The following ZNF385D variants were observed in gnomAD, a reference collection of about 807,000 sequenced individuals.
ZNF385D encodes zinc finger protein 659.
A neutral mutation model predicts 35.8 loss-of-function variants in ZNF385D; 15 were observed. That is an observed-to-expected ratio of 0.42 (90% CI 0.28 to 0.64). The LOEUF (loss-of-function observed/expected upper bound fraction) is 0.64, where lower values mean the gene tolerates loss of function less well. ZNF385D is among the 30% of genes least tolerant of loss of function. The pLI, the probability that ZNF385D is intolerant of heterozygous loss-of-function variation, is 0.23. For missense variants in ZNF385D, 474 were observed against 494.6 expected (o/e 0.96, Z 0.39); for synonymous variants, 212 against 186.8 (o/e 1.13, Z -1.10).
intron 3 of ZNF385D, among the ~76,000 whole-genome samples, chr3:21,994,134 C>A (rs1489637887): frequency 6.6e-6 from 1 of 152,164 alleles, no homozygotes; most frequent in Non-Finnish European, 1.5e-5. Flanking sequence ...TTCCTTGCTG[C>A]AGCAAGCTAA....
intron 3 of ZNF385D, among the ~76,000 whole-genome samples, chr3:21,538,308 T>C (rs2062087740): frequency 6.6e-6 from 1 of 152,120 alleles, no homozygotes; most frequent in Admixed American, 6.5e-5. Context: ...AAGTCTGTAT[T>C]GATAACTTAC....
chr3:22,330,606 A>T (rs1694888611), intron 2 of ZNF385D, among the ~76,000 whole-genome samples: 1 of 152,140 alleles, frequency 6.6e-6, no homozygotes, highest in African/African-American at 2.4e-5. Flanking sequence ...AAAATGCTTC[A>T]GTTTTTCTTT....
Position 22,012,182 on chromosome 3 carries a change from A to G in ZNF385D, c.325+156635T>C, listed in dbSNP as rs377015302. Among the ~76,000 whole-genome samples the G allele has an allele frequency of 1.8e-3, 273 of 152,274 alleles. 3 individuals carry two copies. In the South Asian group the frequency reaches 0.022, roughly 12 times the overall value. The stretch of plus-strand genomic sequence containing the variant: ...GGGCAAAGAAGTCCATTACTTCAAC[A>G]CCAGATTCTTGAGAGGATATATGAC... On this transcript the variant is annotated intron_variant, in intron 3 of 5. Coordinates refer to the ZNF385D transcript ENST00000494108.
Position 21,415,943 on chromosome 3 carries a change from G to C in ZNF385D, c.*5271C>G, listed in dbSNP as rs1226080527. On this transcript the variant is annotated 3_prime_UTR_variant, in exon 8 of 8. Transcript: ENST00000281523. ...AATTGAAGGTAATGTTCAGTCCCTTGACATCTGAACATTGATGACCCAACC... is the reference window on the plus strand; with the variant it reads ...AATTGAAGGTAATGTTCAGTCCCTTCACATCTGAACATTGATGACCCAACC... 1 of 151,864 alleles carries C rather than the reference G, an allele frequency of 6.6e-6. No individual in the cohort carries two copies. The highest frequency in any genetic ancestry group is 1.5e-5 in the Non-Finnish European group (1 of 68,006). 9.4% of individuals were successfully genotyped at this position (151,864 alleles called of 1,614,324 possible).
In ZNF385D at chr3:22,139,995, T is replaced by C. The variant is rs942887979; in HGVS notation, c.325+28822A>G. ...AGGATATAGAGAATCTCTCACATAT[T>C]GTTACTGGAAATATACAATGGTACA... is the stretch of plus-strand genomic sequence containing the variant. On this transcript the variant is annotated intron_variant, in intron 3 of 5. Transcript: ENST00000494108. Among the ~76,000 whole-genome samples, 8 of 152,322 alleles carry C rather than the reference T, an allele frequency of 5.3e-5. No individual in the cohort carries two copies. In the East Asian group the frequency reaches 1.2e-3, roughly 22 times the overall value.
At chr3:21,710,140 G>A (rs951239887) in intron 1 of ZNF385D, among the ~76,000 whole-genome samples, 1 of 152,118 alleles carries the variant, frequency 6.6e-6, no homozygotes, top group African/African-American at 2.4e-5. Flanking sequence ...GTTGGGTATG[G>A]GGGTATGGTT....
At chr3:22,162,638 C>A (rs966995387) in intron 3 of ZNF385D, among the ~76,000 whole-genome samples, 1 of 152,160 alleles carries the variant, frequency 6.6e-6, no homozygotes, top group Non-Finnish European at 1.5e-5. Flanking sequence ...CCTTGCACTA[C>A]GCAGTAGGCA....
At chr3:21,440,676 G>T (rs1180956876) in intron 4 of ZNF385D, among the ~76,000 whole-genome samples, 2 of 152,054 alleles carry the variant, frequency 1.3e-5, no homozygotes, top group African/African-American at 2.4e-5. Context: ...TTGATGCAGG[G>T]TATATGGGAA....
At chr3:21,563,506 T>C (rs2063028934) in intron 3 of ZNF385D, among the ~76,000 whole-genome samples, 3 of 152,186 alleles carry the variant, frequency 2.0e-5, no homozygotes, top group Admixed American at 2.0e-4. Flanking sequence ...AAATGTAATG[T>C]TCTCTTCAAA....
intron 3 of ZNF385D, chr3:21,877,994 G>C (rs143353222): frequency 1.3e-5 from 2 of 151,920 alleles, no homozygotes; most frequent in African/African-American, 4.8e-5. Context: ...TATATTAAGT[G>C]CTATTTGTAA....
rs531403498 is a variant in ZNF385D at position 22,104,341 on chromosome 3, C to T, written c.325+64476G>A. Among the ~76,000 whole-genome samples, 7 of 152,160 alleles carry T rather than the reference C, an allele frequency of 4.6e-5. No homozygotes were observed. The East Asian group carries it at 7.7e-4, about 17-fold the overall frequency. On this transcript the variant is annotated intron_variant, in intron 3 of 5. Coordinates refer to the ZNF385D transcript ENST00000494108. ...AAAGGCTCCTTGAAAAAAAGGATGACGTTTTATTACTCGTTCACTATAATC... is the reference window on the plus strand; with the variant it reads ...AAAGGCTCCTTGAAAAAAAGGATGATGTTTTATTACTCGTTCACTATAATC...
At chr3:21,925,179 G>T (rs1202965115) in intron 3 of ZNF385D, among the ~76,000 whole-genome samples, 1 of 152,060 alleles carries the variant, frequency 6.6e-6, no homozygotes, top group Non-Finnish European at 1.5e-5. Flanking sequence ...AGGCAAAGTA[G>T]GTAGAATAGC....
At chr3:22,314,176 T>G (rs1703753485) in intron 2 of ZNF385D, among the ~76,000 whole-genome samples, 1 of 152,110 alleles carries the variant, frequency 6.6e-6, no homozygotes, top group Admixed American at 6.6e-5. Context: ...GTTATATGAG[T>G]AAGTTCTTTG....
At chr3:22,105,434 T>C (rs1387409284) in intron 3 of ZNF385D, among the ~76,000 whole-genome samples, 1 of 151,970 alleles carries the variant, frequency 6.6e-6, no homozygotes, top group Non-Finnish European at 1.5e-5. Flanking sequence ...TATACATACA[T>C]ACTTATATAC....
chr3:21,685,108 C>G (rs1312820623), intron 1 of ZNF385D, among the ~76,000 whole-genome samples: 2 of 152,158 alleles, frequency 1.3e-5, no homozygotes, highest in Admixed American at 1.3e-4. Flanking sequence ...GAAAAAAATA[C>G]TGCAAAATCC....
intron 3 of ZNF385D, among the ~76,000 whole-genome samples, chr3:21,860,618 T>C (rs1376476070): frequency 1.3e-5 from 2 of 152,172 alleles, no homozygotes; most frequent in Non-Finnish European, 2.9e-5. Flanking sequence ...GCATCCTGAC[T>C]GCATTAGACT....
intron 2 of ZNF385D, among the ~76,000 whole-genome samples, chr3:22,266,609 T>C (rs1272154593): frequency 6.6e-6 from 1 of 151,898 alleles, no homozygotes; most frequent in African/African-American, 2.4e-5. Context: ...TAGGGAACTT[T>C]GCCAGTCAAA....
At chr3:22,199,261 A>T (rs1696624664) in intron 2 of ZNF385D, among the ~76,000 whole-genome samples, 1 of 152,128 alleles carries the variant, frequency 6.6e-6, no homozygotes, top group South Asian at 2.1e-4. Flanking sequence ...TGCCCAATGT[A>T]GATTACATTT....
chr3:22,126,074 G>C (rs1017344851), intron 3 of ZNF385D, among the ~76,000 whole-genome samples: 38 of 151,946 alleles, frequency 2.5e-4, no homozygotes, highest in Non-Finnish European at 5.3e-4. Context: ...TTATTTTGTT[G>C]AGGTATGTTC....
Sources: allele counts gnomAD v4.1 joint callset (sites outside exome capture counted in the v4.1 genomes callset), GRCh38; gene constraint gnomAD v4.1.1; transcripts MANE v1.5; gene names NCBI Gene and HGNC (gene_info 2026-07-23, HGNC 2026-07-21).